The following ERC2 variants were observed in gnomAD, a reference collection of about 807,000 sequenced individuals.
ERC2 encodes the protein ELKS/RAB6-interacting/CAST family member 2.
A neutral mutation model predicts 114.8 loss-of-function variants in ERC2; 42 were observed. That is an observed-to-expected ratio of 0.37 (90% CI 0.29 to 0.47). ERC2 has a LOEUF of 0.47. ERC2 is among the 20% of genes least tolerant of loss of function. The pLI is 0.99. For missense variants in ERC2, 939 were observed against 1,150.7 expected (o/e 0.82, Z 2.66); for synonymous variants, 454 against 425.5 (o/e 1.07, Z -0.82).
In ERC2 at chr3:56,435,126, G is replaced by A; in HGVS notation, c.-119C>T. The A allele has an allele frequency of 5.3e-5, 34 of 644,750 alleles. No individual in the cohort carries two copies. The highest frequency in any genetic ancestry group is 2.4e-4 in the South Asian group (9 of 37,150). The allele number at this position is 644,750 out of a possible 1,614,324, so 39.9% of individuals were successfully genotyped here. On this transcript the variant is annotated 5_prime_UTR_variant, in exon 2 of 18. Transcript: ENST00000288221. ...CGCATTCTTTTCACAGTCCGTACCA[G>A]AAAATAACTCCACTCAGAGATCTAC...
intron 14 of ERC2, among the ~76,000 whole-genome samples, chr3:55,808,669 A>G (rs1434946917): frequency 6.9e-6 from 1 of 144,882 alleles, no homozygotes; most frequent in African/African-American, 2.5e-5. Flanking sequence ...TCAAGGTCAA[A>G]AAACAAAATA....
intron 17 of ERC2, among the ~76,000 whole-genome samples, chr3:55,565,555 T>C (rs982936224): frequency 3.3e-5 from 5 of 151,906 alleles, no homozygotes; most frequent in Non-Finnish European, 7.4e-5. Context: ...CTTCCCAGCC[T>C]GCTGAGATGC....
At chr3:55,859,051 G>A (rs573409337) in intron 14 of ERC2, among the ~76,000 whole-genome samples, 1 of 152,034 alleles carries the variant, frequency 6.6e-6, no homozygotes, top group African/African-American at 2.4e-5. Context: ...CTATTAGTTG[G>A]ACATGGCCAT....
intron 14 of ERC2, among the ~76,000 whole-genome samples, chr3:55,799,409 G>A (rs920236003): frequency 1.1e-4 from 13 of 116,138 alleles, no homozygotes; most frequent in African/African-American, 5.8e-4. Context: ...ATATATATAT[G>A]CCTTATATAT....
At chr3:56,314,518 T>A (rs2056774488) in intron 2 of ERC2, among the ~76,000 whole-genome samples, 2 of 148,620 alleles carry the variant, frequency 1.3e-5, no homozygotes, top group African/African-American at 4.9e-5. Flanking sequence ...GGGGGTGGGG[T>A]CAGTGAAATA....
intron 3 of ERC2, among the ~76,000 whole-genome samples, chr3:56,273,258 C>CTTTTTTTTTTTTTTTT (rs1206517864): frequency 1.1e-5 from 1 of 94,742 alleles, no homozygotes. Flanking sequence ...CTTTTTTTTT[C>CTTTTTTTTTTTTTTTT]TTTCTTTTTT....
At chr3:56,059,434 A>G (rs1467100686) in intron 7 of ERC2, among the ~76,000 whole-genome samples, 1 of 152,148 alleles carries the variant, frequency 6.6e-6, no homozygotes, top group African/African-American at 2.4e-5. Flanking sequence ...AATCCAGACT[A>G]CTTCAGTTCA....
intron 3 of ERC2, among the ~76,000 whole-genome samples, chr3:56,253,118 A>G (rs2150237976): frequency 6.6e-6 from 1 of 152,280 alleles, no homozygotes; most frequent in East Asian, 1.9e-4. Context: ...TCACTGCTGT[A>G]CCTTACCAGC....
At chr3:56,271,870 T>G (rs764816320) in intron 3 of ERC2, among the ~76,000 whole-genome samples, 9 of 152,164 alleles carry the variant, frequency 5.9e-5, no homozygotes, top group Non-Finnish European at 8.8e-5. Flanking sequence ...GTCCCTGCAT[T>G]AGTTTGCTTA....
At chr3:55,602,955 A>G (rs931886554) in intron 17 of ERC2, among the ~76,000 whole-genome samples, 1 of 152,134 alleles carries the variant, frequency 6.6e-6, no homozygotes, top group African/African-American at 2.4e-5. Context: ...AGAGGGTGGG[A>G]CAGGGCATGC....
intron 17 of ERC2, among the ~76,000 whole-genome samples, chr3:55,625,374 G>GAAAAAAAAAAAAAAAAA (rs60450668): frequency 1.1e-4 from 13 of 119,878 alleles, no homozygotes; most frequent in Non-Finnish European, 2.1e-4. Context: ...CTCAAAAAAA[G>GAAAAAAAAAAAAAAAAA]AAAAAAAAAA....
At chr3:56,119,766 T>C (rs1371743507) in intron 6 of ERC2, among the ~76,000 whole-genome samples, 4 of 152,194 alleles carry the variant, frequency 2.6e-5, no homozygotes, top group Non-Finnish European at 5.9e-5. Context: ...GAATCATTAG[T>C]AGTCACCTTT....
At chr3:56,365,465 A>T (rs1292310241) in intron 2 of ERC2, among the ~76,000 whole-genome samples, 1 of 152,230 alleles carries the variant, frequency 6.6e-6, no homozygotes, top group Non-Finnish European at 1.5e-5. Flanking sequence ...TGACAAAATC[A>T]GCTAACAACA....
At chr3:56,461,801 T>C (rs2063330677) in intron 1 of ERC2, among the ~76,000 whole-genome samples, 1 of 152,208 alleles carries the variant, frequency 6.6e-6, no homozygotes, top group Non-Finnish European at 1.5e-5. Context: ...CTGCTTTCTA[T>C]AAATATACTG....
chr3:55,515,020 T>C (rs1193827331), intron 17 of ERC2, among the ~76,000 whole-genome samples: 1 of 152,212 alleles, frequency 6.6e-6, no homozygotes, highest in Non-Finnish European at 1.5e-5. Context: ...GGAGCCTGTA[T>C]TCTTGGGAGG....
At chr3:56,007,053 A>T in intron 10 of ERC2, 128 bp downstream of exon 10, 1 of 771,090 alleles carries the variant, frequency 1.3e-6, no homozygotes, top group Non-Finnish European at 2.0e-6. Context: ...AAGAGTATTT[A>T]ATTAATTCTT....
intron 2 of ERC2, among the ~76,000 whole-genome samples, chr3:56,394,387 T>C (rs2060231190): frequency 6.6e-6 from 1 of 152,220 alleles, no homozygotes; most frequent in Admixed American, 6.5e-5. Context: ...ACTTTACAAC[T>C]ACAGGATGAT....
intron 14 of ERC2, among the ~76,000 whole-genome samples, chr3:55,753,230 C>G (rs147472616): frequency 3.6e-4 from 55 of 152,190 alleles, no homozygotes; most frequent in Admixed American, 2.4e-3. Context: ...ATACTTCCCC[C>G]CAATCCCACT....
At chr3:56,351,926 G>C (rs79641306) in intron 2 of ERC2, among the ~76,000 whole-genome samples, 9 of 152,284 alleles carry the variant, frequency 5.9e-5, no homozygotes, top group Non-Finnish European at 1.0e-4. Flanking sequence ...TCATAATGGG[G>C]ACTTTAGGAA....
Sources: gnomAD v4.1 joint callset for allele counts (sites outside exome capture counted in the v4.1 genomes callset) on GRCh38, gnomAD v4.1.1 for gene constraint, MANE v1.5 for transcripts, NCBI Gene and HGNC (gene_info 2026-07-23, HGNC 2026-07-21) for gene names.